Variants in LAMB1 observed in about 807,000 individuals in gnomAD.
LAMB1 encodes the protein laminin subunit beta-1.
A neutral mutation model predicts 222.3 loss-of-function variants in LAMB1; 121 were observed. That is an observed-to-expected ratio of 0.54 (90% CI 0.47 to 0.63). The LOEUF (loss-of-function observed/expected upper bound fraction) is 0.63, where lower values mean the gene tolerates loss of function less well. LAMB1 is among the 30% of genes least tolerant of loss of function. The pLI, the probability that LAMB1 is intolerant of heterozygous loss-of-function variation, is 0.00. For synonymous variants in LAMB1, 794 were observed against 807.2 expected (o/e 0.98, Z 0.28); for missense variants, 2,172 against 2,240.8 (o/e 0.97, Z 0.62).
At chr7:107,960,936 C>A (rs2033484253) in intron 17 of LAMB1, among the ~76,000 whole-genome samples, 1 of 152,148 alleles carries the variant, frequency 6.6e-6, no homozygotes, top group Admixed American at 6.5e-5. Context: ...TCAAATGATC[C>A]TCCTGCCTCA....
rs1356983236 is a variant in LAMB1 at position 108,002,944 on chromosome 7, C to G, written c.-59G>C. On this transcript the variant is annotated 5_prime_UTR_variant, in exon 2 of 34. Transcript: ENST00000222399. ...GGAGTGGAGAAGACGCCCGCCGAGCCGCCTGCCCTTTCTTCCCGTCTTCCT... is the reference window on the plus strand; with the variant it reads ...GGAGTGGAGAAGACGCCCGCCGAGCGGCCTGCCCTTTCTTCCCGTCTTCCT... The G allele has an allele frequency of 1.9e-6, 3 of 1,609,626 alleles. No individual in the cohort carries two copies. The highest frequency in any genetic ancestry group is 1.3e-5 in the African/African-American group (1 of 74,792).
Position 107,924,237 on chromosome 7 carries a change from C to T in LAMB1, c.5217G>A (p.Leu1739=), listed in dbSNP as rs1281848119. 4 of 1,604,434 alleles carry T rather than the reference C, an allele frequency of 2.5e-6. No homozygotes were observed. The highest frequency in any genetic ancestry group is 3.4e-6 in the Non-Finnish European group (4 of 1,177,342). Residue 1739 remains leucine, a synonymous_variant, in exon 33 of 34, where the codon CTG becomes CTA. Coordinates refer to ENST00000222399, the MANE Select transcript of LAMB1 (RefSeq NM_002291.3). ...LLAQANSKLQ[L]LKDLERKYED... ...CTGTGTGAAAAGACCCACCTTTGAG[C>T]AGTTGCAGCTTGCTATTTGCTTGAG...
Position 108,002,978 on chromosome 7 carries a change from A to T in LAMB1, c.-86-7T>A. 1.3e-6 allele frequency: 2 copies of T among 1,584,824 alleles called. No individual in the cohort carries two copies. The highest frequency in any genetic ancestry group is 2.3e-5 in the South Asian group (2 of 87,218). ...TTTCTTCCCGTCTTCCTTTCTGGAG[A>T]GGTGGAAAGGAGGGGAAAAAAGGCA... is the stretch of plus-strand genomic sequence containing the variant. On this transcript the variant is annotated splice_region_variant and splice_polypyrimidine_tract_variant and intron_variant, in intron 1 of 33. Coordinates refer to ENST00000222399, the MANE Select transcript of LAMB1 (RefSeq NM_002291.3).
At chr7:107,965,102 A>G (rs902501208) in intron 13 of LAMB1, among the ~76,000 whole-genome samples, 7 of 152,186 alleles carry the variant, frequency 4.6e-5, no homozygotes, top group African/African-American at 1.7e-4. Flanking sequence ...GAAGCCCTCA[A>G]TCCCTCGGAT....
intron 10 of LAMB1, 68 bp from the exon 11 acceptor site, chr7:107,975,481 A>G: frequency 1.4e-6 from 2 of 1,411,010 alleles, no homozygotes; most frequent in Middle Eastern, 1.8e-4. Flanking sequence ...ATAAATACAT[A>G]TATTCCCTTC....
chr7:107,987,760 C>T (rs2034106699), intron 5 of LAMB1, among the ~76,000 whole-genome samples: 1 of 152,170 alleles, frequency 6.6e-6, no homozygotes, highest in African/African-American at 2.4e-5. Context: ...CCTTGGCCTC[C>T]CAAAGTGAGG....
chr7:107,981,023 G>C (rs1281808799), intron 7 of LAMB1, among the ~76,000 whole-genome samples: 2 of 152,164 alleles, frequency 1.3e-5, no homozygotes, highest in Non-Finnish European at 2.9e-5. Context: ...AGTTTCATAA[G>C]AATGTCGGCC....
At chr7:108,002,460 C>T in intron 2 of LAMB1, 1 of 1,282,810 alleles carries the variant, frequency 7.8e-7, no homozygotes, top group Non-Finnish European at 1.0e-6. Flanking sequence ...AATGAAGCCT[C>T]CGCTCAGCTC....
chr7:107,928,928 G>T (rs931251023), intron 31 of LAMB1, 136 bp downstream of exon 31: 4 of 836,520 alleles, frequency 4.8e-6, no homozygotes, highest in African/African-American at 1.7e-5. Flanking sequence ...CCATGCTAAC[G>T]GAGTAGTTTA....
chr7:107,937,525 G>A (rs998373757), intron 25 of LAMB1, among the ~76,000 whole-genome samples: 1 of 152,190 alleles, frequency 6.6e-6, no homozygotes, highest in Non-Finnish European at 1.5e-5. Flanking sequence ...TGGCAGACAA[G>A]CCATTTAAGG....
In LAMB1 at chr7:107,998,474, T is replaced by C. The variant is rs1428379230; in HGVS notation, c.232A>G (p.Ile78Val). Residue 78 changes from isoleucine (I) to valine (V), a missense_variant, in exon 4 of 34, where the codon ATA becomes GTA. By Grantham distance (29) the Ile-to-Val change is conservative. Coordinates refer to ENST00000222399, the MANE Select transcript of LAMB1 (RefSeq NM_002291.3). ...TGATAAGGATCTTGGGAATTGCATA[T>C]GAAGCATTTTTTGTCCTCCTACAAA... ...SHLQEDKKCFICNSQDPYHET... is the reference protein window; with the variant it reads ...SHLQEDKKCFVCNSQDPYHET... The C allele has an allele frequency of 2.5e-6, 4 of 1,613,858 alleles. No individual in the cohort carries two copies. Among genetic ancestry groups the C allele is most frequent in the Non-Finnish European group, 3.4e-6 (4 of 1,179,862 alleles).
intron 20 of LAMB1, among the ~76,000 whole-genome samples, chr7:107,957,871 C>G (rs1419698088): frequency 6.6e-6 from 1 of 152,080 alleles, no homozygotes; most frequent in African/African-American, 2.4e-5. Flanking sequence ...TGTTTGCCAC[C>G]CAAACCTATT....
chr7:107,967,534 C>T (rs1320961623), intron 13 of LAMB1, among the ~76,000 whole-genome samples: 1 of 152,130 alleles, frequency 6.6e-6, no homozygotes, highest in Non-Finnish European at 1.5e-5. Flanking sequence ...ATAACCCATC[C>T]TCTGAAAACG....
intron 24 of LAMB1, among the ~76,000 whole-genome samples, chr7:107,944,530 G>A (rs1374678764): frequency 6.6e-6 from 1 of 152,148 alleles, no homozygotes; most frequent in Non-Finnish European, 1.5e-5. Context: ...AGTTGGGCCT[G>A]ACTCTCCGGG....
At chr7:107,978,955 C>G (rs2033921686) in intron 8 of LAMB1, among the ~76,000 whole-genome samples, 1 of 152,150 alleles carries the variant, frequency 6.6e-6, no homozygotes. Flanking sequence ...GAATGGAATT[C>G]AGGAACAGGA....
At chr7:107,949,191 G>A (rs977040183) in intron 24 of LAMB1, among the ~76,000 whole-genome samples, 2 of 152,182 alleles carry the variant, frequency 1.3e-5, no homozygotes, top group South Asian at 2.1e-4. Context: ...GTTTCTATAA[G>A]TCACAATTTC....
In LAMB1 at chr7:107,960,591, T is replaced by C. The variant is rs780825519; in HGVS notation, c.2168A>G (p.Asp723Gly). ...LDIFTVGGSGDGVVTNSAWET... is the reference protein window; with the variant it reads ...LDIFTVGGSGGGVVTNSAWET... Reference sequence around the variant, plus strand: ...CCAGGCACTGTTGGTGACCACCCCATCTCCTGAACCTCCCACGGTGAAGAT... The same window carrying C: ...CCAGGCACTGTTGGTGACCACCCCACCTCCTGAACCTCCCACGGTGAAGAT... Residue 723 changes from aspartate to glycine, a missense_variant, in exon 18 of 34, where the codon GAT becomes GGT. Transcript: ENST00000222399. 1 of 1,614,216 alleles carries C rather than the reference T, an allele frequency of 6.2e-7. No individual in the cohort carries two copies. Among genetic ancestry groups the C allele is most frequent in the Non-Finnish European group, 8.5e-7 (1 of 1,180,014 alleles).
chr7:107,992,943 T>TA lies in LAMB1; in HGVS notation c.423+1943dup, dbSNP rs1482727904. On this transcript the variant is annotated intron_variant, in intron 5 of 33. Coordinates refer to ENST00000222399, the MANE Select transcript of LAMB1 (RefSeq NM_002291.3). The stretch of plus-strand genomic sequence containing the variant: ...ACAGGAGAACATCACCATTCTGTCC[T>TA]ATGTCCTATGATGTAGGTATTATTC... Among the ~76,000 whole-genome samples, 3 of 152,226 alleles carry TA rather than the reference T, an allele frequency of 2.0e-5. No individual in the cohort carries two copies. In the East Asian group the frequency reaches 5.8e-4, roughly 30 times the overall value.
intron 22 of LAMB1, among the ~76,000 whole-genome samples, chr7:107,952,561 G>T (rs2033281191): frequency 6.6e-6 from 1 of 152,202 alleles, no homozygotes; most frequent in Non-Finnish European, 1.5e-5. Flanking sequence ...TGGGAATTGA[G>T]ATATCTAATA....
Sources: gnomAD v4.1 joint callset for allele counts (sites outside exome capture counted in the v4.1 genomes callset) on GRCh38, gnomAD v4.1.1 for gene constraint, MANE v1.5 for transcripts, NCBI Gene and HGNC (gene_info 2026-07-23, HGNC 2026-07-21) for gene names.